COL24A1: variants seen among roughly 807,000 people sequenced by gnomAD.
COL24A1 encodes collagen alpha-1(XXIV) chain.
In COL24A1, 224 loss-of-function variants were observed where a neutral mutation model predicts 253.9. That is an observed-to-expected ratio of 0.88 (90% CI 0.79 to 0.99). The LOEUF is 0.99. COL24A1 is among the 50% of genes least tolerant of loss of function. The probability of loss-of-function intolerance (pLI) is 0.00; values close to 1 mark genes in which losing one functional copy is unlikely to be tolerated. For missense variants in COL24A1, 2,131 were observed against 2,068.5 expected (o/e 1.03, Z -0.59); for synonymous variants, 685 against 673.7 (o/e 1.02, Z -0.26).
intron 8 of COL24A1, among the ~76,000 whole-genome samples, chr1:86,062,237 C>T (rs1209895017): frequency 1.3e-5 from 2 of 151,952 alleles, no homozygotes; most frequent in Non-Finnish European, 2.9e-5. Context: ...AATATAATTG[C>T]CTTTCCAAAT....
chr1:85,841,664 G>A (rs1426832154), intron 41 of COL24A1, among the ~76,000 whole-genome samples: 1 of 152,064 alleles, frequency 6.6e-6, no homozygotes, highest in Non-Finnish European at 1.5e-5. Context: ...AGCCTGGGGT[G>A]GGAGGATTGC....
At chr1:85,855,832 C>T (rs1351922172) in intron 37 of COL24A1, among the ~76,000 whole-genome samples, 1 of 152,038 alleles carries the variant, frequency 6.6e-6, no homozygotes, top group Non-Finnish European at 1.5e-5. Flanking sequence ...CTGGGCTTTT[C>T]TGGTTGGTAG....
chr1:85,768,221 C>T (rs971157054), intron 53 of COL24A1, among the ~76,000 whole-genome samples: 24 of 151,634 alleles, frequency 1.6e-4, no homozygotes, highest in Admixed American at 1.3e-3. Context: ...GAAAATGGTA[C>T]ATCAGGACAC....
chr1:85,860,720 G>A (rs61785081), intron 37 of COL24A1, among the ~76,000 whole-genome samples: 57,370 of 152,132 alleles, frequency 0.38, 11,827 homozygotes, highest in East Asian at 0.58. Flanking sequence ...TAGCCTGGGC[G>A]ACAGAGCAAG....
Position 85,745,506 on chromosome 1 carries a change from T to C in COL24A1, c.4438A>G (p.Lys1480Glu), listed in dbSNP as rs769517118. The change falls in exon 56 of 60, where the codon AAG (lysine) becomes GAG (glutamate). Residue 1480 changes from lysine (K) to glutamate (E), a missense_variant and splice_region_variant. Transcript: ENST00000370571. ...ATAGCAGCATTGATATCCATTTGCT[T>C]CTGTGTAAAACAAAACCATTTGAGA... ...PGPPGAPGPR[K>E]QMDINAAIQA... 7 of 1,609,072 alleles carry C rather than the reference T, an allele frequency of 4.4e-6. No individual in the cohort carries two copies. The highest frequency in any genetic ancestry group is 5.9e-6 in the Non-Finnish European group (7 of 1,177,976).
intron 43 of COL24A1, among the ~76,000 whole-genome samples, chr1:85,831,131 G>A (rs543734721): frequency 1.4e-4 from 21 of 151,950 alleles, no homozygotes; most frequent in Non-Finnish European, 1.3e-4. Flanking sequence ...CCACACTAAC[G>A]GAAAAACCAT....
intron 6 of COL24A1, among the ~76,000 whole-genome samples, chr1:86,090,248 C>A (rs1053470253): frequency 4.6e-5 from 7 of 152,124 alleles, no homozygotes; most frequent in African/African-American, 7.2e-5. Context: ...TAGCTTTAGT[C>A]ATGAAGGAAT....
intron 42 of COL24A1, 92 bp from the exon 43 acceptor site, chr1:85,838,730 G>T: frequency 8.3e-7 from 1 of 1,208,728 alleles, no homozygotes; most frequent in Non-Finnish European, 1.2e-6. Context: ...TTATTCTTTT[G>T]TCAAAAATAT....
chr1:85,897,345 A>T (rs1333684504), intron 28 of COL24A1, among the ~76,000 whole-genome samples: 1 of 152,078 alleles, frequency 6.6e-6, no homozygotes, highest in African/African-American at 2.4e-5. Context: ...GCAAACCACC[A>T]TGTCACATGT....
At chr1:85,912,099 C>A (rs1685426710) in intron 24 of COL24A1, among the ~76,000 whole-genome samples, 1 of 152,112 alleles carries the variant, frequency 6.6e-6, no homozygotes, top group African/African-American at 2.4e-5. Flanking sequence ...CACAGATGGT[C>A]AGGGAAGACT....
chr1:85,798,837 A>C, intron 47 of COL24A1, among the ~76,000 whole-genome samples: 1 of 152,112 alleles, frequency 6.6e-6, no homozygotes, highest in East Asian at 1.9e-4. Context: ...CGTTAGTTTT[A>C]TTTCTTTCCC....
intron 24 of COL24A1, among the ~76,000 whole-genome samples, chr1:85,913,263 G>A (rs1685548024): frequency 6.6e-6 from 1 of 152,116 alleles, no homozygotes; most frequent in African/African-American, 2.4e-5. Context: ...CGGTGAAATG[G>A]CATTTTTAAG....
intron 7 of COL24A1, among the ~76,000 whole-genome samples, chr1:86,066,457 G>C (rs1028207286): frequency 1.1e-4 from 16 of 151,764 alleles, no homozygotes; most frequent in Admixed American, 9.2e-4. Context: ...TGTTAGCCAG[G>C]ACGGTCTCGA....
chr1:86,148,068 G>A (rs1652157904), intron 1 of COL24A1, among the ~76,000 whole-genome samples: 1 of 152,150 alleles, frequency 6.6e-6, no homozygotes. Flanking sequence ...ACATTCTGAG[G>A]ACCACTACTC....
At chr1:85,988,184 C>T (rs564127168) in intron 19 of COL24A1, among the ~76,000 whole-genome samples, 3 of 151,676 alleles carry the variant, frequency 2.0e-5, no homozygotes, top group South Asian at 2.1e-4. Flanking sequence ...CTTATTCTAA[C>T]ATCCCCATAT....
intron 38 of COL24A1, 86 bp from the exon 39 acceptor site, chr1:85,847,858 T>A: frequency 2.6e-6 from 2 of 762,448 alleles, no homozygotes. Flanking sequence ...GAATAGCTCC[T>A]GAGGATTATC....
chr1:86,092,244 T>C, intron 6 of COL24A1, 23 bp downstream of exon 6: 1 of 1,555,602 alleles, frequency 6.4e-7, no homozygotes, highest in Middle Eastern at 1.8e-4. Flanking sequence ...TACCATAATT[T>C]CATTTCATGG....
chr1:86,065,242 T>G (rs973219891), intron 7 of COL24A1, among the ~76,000 whole-genome samples: 4 of 152,192 alleles, frequency 2.6e-5, no homozygotes, highest in Non-Finnish European at 5.9e-5. Flanking sequence ...TATTTTAAAT[T>G]CTGTGAATCC....
In COL24A1 at chr1:85,901,824, CAAAAAAAAAAAAAA is replaced by C. The variant is rs55862441; in HGVS notation, c.2778+5356_2778+5369del. Among the ~76,000 whole-genome samples, 3 of 57,786 alleles carry C rather than the reference CAAAAAAAAAAAAAA, an allele frequency of 5.2e-5. No homozygotes were observed. The Admixed American group carries it at 8.4e-4, about 16-fold the overall frequency. The allele number at this position is 57,786 out of a possible 152,430, so 37.9% of individuals were successfully genotyped here. A position where few individuals can be genotyped will look rare whatever the true frequency, so the allele number is the denominator to read the frequency against. ...GAGACAACAGGATGAGACTCCGTCT[CAAAAAAAAAAAAAA>C]AAAAAAAAAAAGAACTACCATACAA... is the stretch of plus-strand genomic sequence containing the variant. On this transcript the variant is annotated intron_variant, in intron 28 of 59. Transcript: ENST00000370571.
Sources: gnomAD v4.1 joint callset for allele counts (sites outside exome capture counted in the v4.1 genomes callset) on GRCh38, gnomAD v4.1.1 for gene constraint, MANE v1.5 for transcripts, NCBI Gene and HGNC (gene_info 2026-07-23, HGNC 2026-07-21) for gene names.